Variants in PTPRT observed in about 807,000 individuals in gnomAD.
PTPRT encodes the protein receptor-type tyrosine-protein phosphatase T.
A neutral mutation model predicts 176.8 loss-of-function variants in PTPRT; 56 were observed. The observed-to-expected ratio is 0.32, with a 90% CI of 0.26 to 0.40. PTPRT has a LOEUF of 0.40. Among genes scored for constraint, PTPRT ranks in the 10% least tolerant of loss-of-function variants. PTPRT has a pLI of 1.00. For synonymous variants in PTPRT, 783 were observed against 739.0 expected (o/e 1.06, Z -0.96); for missense variants, 1,540 against 1,908.2 (o/e 0.81, Z 3.60).
intron 1 of PTPRT, among the ~76,000 whole-genome samples, chr20:43,008,582 T>C (rs1388176698): frequency 6.6e-6 from 1 of 151,752 alleles, no homozygotes; most frequent in Non-Finnish European, 1.5e-5. Flanking sequence ...TACCAGCTAC[T>C]TGAGGGTCTG....
intron 8 of PTPRT, among the ~76,000 whole-genome samples, chr20:42,458,906 G>A (rs1300873022): frequency 6.6e-6 from 1 of 152,058 alleles, no homozygotes; most frequent in Non-Finnish European, 1.5e-5. Context: ...AAAACACAAG[G>A]AAAAAATCTT....
At chr20:42,315,688 A>G in intron 12 of PTPRT, 35 bp downstream of exon 12, 1 of 1,597,114 alleles carries the variant, frequency 6.3e-7, no homozygotes, top group Non-Finnish European at 8.6e-7. Context: ...AAATGCAAAC[A>G]AGGCAAGGAA....
At chr20:42,150,322 T>C (rs1235698503) in intron 17 of PTPRT, among the ~76,000 whole-genome samples, 1 of 152,208 alleles carries the variant, frequency 6.6e-6, no homozygotes, top group Non-Finnish European at 1.5e-5. Flanking sequence ...CACTCTCCTT[T>C]GCTTGACTGT....
intron 1 of PTPRT, among the ~76,000 whole-genome samples, chr20:43,105,684 G>C (rs1364007944): frequency 6.6e-6 from 1 of 152,182 alleles, no homozygotes; most frequent in Non-Finnish European, 1.5e-5. Context: ...AAAGGTGTGA[G>C]CCACCGCACC....
chr20:43,079,014 C>T (rs144211915), intron 1 of PTPRT, among the ~76,000 whole-genome samples: 22 of 152,248 alleles, frequency 1.4e-4, no homozygotes, highest in Admixed American at 3.3e-4. Context: ...TGTTCTAGAC[C>T]CATTTTTCAC....
intron 7 of PTPRT, among the ~76,000 whole-genome samples, chr20:42,605,700 C>A (rs2073863910): frequency 6.6e-6 from 1 of 152,204 alleles, no homozygotes; most frequent in African/African-American, 2.4e-5. Flanking sequence ...GCACAGGAAC[C>A]AACCATTGGA....
chr20:42,402,222 C>G (rs1032392333), intron 9 of PTPRT, among the ~76,000 whole-genome samples: 2 of 151,962 alleles, frequency 1.3e-5, no homozygotes, highest in East Asian at 3.9e-4. Context: ...TTTTGGTTCC[C>G]CAAAACATCC....
At chr20:42,264,443 T>C (rs868439155) in intron 13 of PTPRT, among the ~76,000 whole-genome samples, 22 of 152,276 alleles carry the variant, frequency 1.4e-4, no homozygotes, top group Admixed American at 8.5e-4. Flanking sequence ...GCTCGTCTCC[T>C]CCCCCATTCT....
At chr20:43,058,729 C>T (rs1264700407) in intron 1 of PTPRT, among the ~76,000 whole-genome samples, 1 of 152,230 alleles carries the variant, frequency 6.6e-6, no homozygotes, top group South Asian at 2.1e-4. Flanking sequence ...TGATCAGTGG[C>T]TCCTTTTGTC....
intron 11 of PTPRT, among the ~76,000 whole-genome samples, chr20:42,350,097 G>T (rs1258432378): frequency 2.0e-5 from 3 of 151,878 alleles, no homozygotes; most frequent in African/African-American, 7.3e-5. Context: ...ACAAAGAAAA[G>T]TGACCTTTCC....
At chr20:42,404,755 T>C (rs1377670372) in intron 9 of PTPRT, among the ~76,000 whole-genome samples, 1 of 152,074 alleles carries the variant, frequency 6.6e-6, no homozygotes. Context: ...ATTTTCAAAA[T>C]GTCAATTGAA....
chr20:42,872,272 TAATTTCTCTC>T (rs539800428), intron 2 of PTPRT, among the ~76,000 whole-genome samples: 77 of 152,336 alleles, frequency 5.1e-4, no homozygotes, highest in African/African-American at 1.9e-3. Flanking sequence ...TAGAAAAGGG[TAATTTCTCTC>T]AATTACCAAA....
At chr20:42,232,097 T>C (rs1185823011) in intron 15 of PTPRT, among the ~76,000 whole-genome samples, 1 of 152,230 alleles carries the variant, frequency 6.6e-6, no homozygotes, top group Non-Finnish European at 1.5e-5. Flanking sequence ...CAGGAATTTT[T>C]ACTTGTGCTA....
intron 10 of PTPRT, among the ~76,000 whole-genome samples, chr20:42,351,395 T>A (rs2058281658): frequency 6.6e-6 from 1 of 152,140 alleles, no homozygotes; most frequent in South Asian, 2.1e-4. Flanking sequence ...TATAATTAAA[T>A]TACGTCCATC....
intron 7 of PTPRT, among the ~76,000 whole-genome samples, chr20:42,523,401 T>C (rs577261576): frequency 6.6e-6 from 1 of 152,336 alleles, no homozygotes; most frequent in South Asian, 2.1e-4. Context: ...TATTTGAATG[T>C]CTCATTGTTG....
intron 23 of PTPRT, among the ~76,000 whole-genome samples, chr20:42,109,130 G>A (rs1986789596): frequency 6.6e-6 from 1 of 151,690 alleles, no homozygotes; most frequent in Non-Finnish European, 1.5e-5. Context: ...ATGGGGTTGT[G>A]TAGCTACTAT....
At chr20:42,751,788 G>A (rs2145385380) in intron 6 of PTPRT, among the ~76,000 whole-genome samples, 1 of 152,242 alleles carries the variant, frequency 6.6e-6, no homozygotes. Flanking sequence ...TTTGGCCACA[G>A]ACTAAAGGCT....
intron 6 of PTPRT, among the ~76,000 whole-genome samples, chr20:42,693,491 T>C (rs1367654393): frequency 3.9e-5 from 6 of 152,160 alleles, no homozygotes; most frequent in Admixed American, 3.9e-4. Context: ...GAAAATGAGG[T>C]ATTAAGCTAC....
At chr20:42,992,031 G>A (rs931783875) in intron 1 of PTPRT, among the ~76,000 whole-genome samples, 1 of 152,048 alleles carries the variant, frequency 6.6e-6, no homozygotes, top group African/African-American at 2.4e-5. Flanking sequence ...TTTACTCAAA[G>A]TACTATGTGT....
Sources: allele counts gnomAD v4.1 joint callset (sites outside exome capture counted in the v4.1 genomes callset), GRCh38; gene constraint gnomAD v4.1.1; transcripts MANE v1.5; gene names NCBI Gene and HGNC (gene_info 2026-07-23, HGNC 2026-07-21).